Variants in SORCS3 observed in about 807,000 individuals in gnomAD.
SORCS3 encodes sortilin related VPS10 domain containing receptor 3, also known as VPS10 domain-containing receptor SorCS3.
SORCS3 carries 57 observed loss-of-function variants against 146.3 expected under a neutral mutation model. The ratio of observed to expected loss-of-function variants is 0.39; its 90% CI spans 0.31 to 0.49. The LOEUF is 0.49. SORCS3 is among the 20% of genes least tolerant of loss of function. The pLI is 0.92. For missense variants in SORCS3, 1,341 were observed against 1,575.5 expected (o/e 0.85, Z 2.52); for synonymous variants, 653 against 618.5 (o/e 1.06, Z -0.83).
intron 20 of SORCS3, among the ~76,000 whole-genome samples, chr10:105,230,318 T>A (rs2056759172): frequency 6.6e-6 from 1 of 152,024 alleles, no homozygotes; most frequent in South Asian, 2.1e-4. Flanking sequence ...CCAGGTGGGA[T>A]GCTTAGGTTG....
At chr10:104,797,207 A>T (rs980269740) in intron 1 of SORCS3, among the ~76,000 whole-genome samples, 1 of 152,228 alleles carries the variant, frequency 6.6e-6, no homozygotes, top group East Asian at 1.9e-4. Context: ...GAATATTTGC[A>T]GTTTTAAAAA....
At chr10:104,772,223 T>C (rs1435660445) in intron 1 of SORCS3, among the ~76,000 whole-genome samples, 1 of 131,420 alleles carries the variant, frequency 7.6e-6, no homozygotes, top group Non-Finnish European at 1.6e-5. Context: ...GGTGGGGTGG[T>C]GGCAGGGGAT....
chr10:104,890,119 G>C (rs1037451409), intron 2 of SORCS3, among the ~76,000 whole-genome samples: 1 of 151,908 alleles, frequency 6.6e-6, no homozygotes, highest in Non-Finnish European at 1.5e-5. Context: ...TTAAGCAATT[G>C]AGTACGACGT....
chr10:104,829,489 G>T (rs1234318055), intron 1 of SORCS3, among the ~76,000 whole-genome samples: 1 of 151,996 alleles, frequency 6.6e-6, no homozygotes, highest in South Asian at 2.1e-4. Flanking sequence ...TAGGAGAAGG[G>T]GTATTCTAGT....
rs190810170 is a variant in SORCS3 at position 105,058,163 on chromosome 10, T to G, written c.1028+15035T>G. ...CCTGGGGGATCCCAGCTCTGCAGAC[T>G]TAGCATTTTGGATGGATGCAAGGAG... On this transcript the variant is annotated intron_variant, in intron 5 of 26. Coordinates refer to ENST00000369701, the MANE Select transcript of SORCS3 (RefSeq NM_014978.3). 1.5e-3 allele frequency among the ~76,000 whole-genome samples: 221 copies of G among 152,332 alleles called. 1 individual carries two copies. Among genetic ancestry groups the G allele is most frequent in the African/African-American group, 4.2e-3 (173 of 41,582 alleles).
intron 7 of SORCS3, among the ~76,000 whole-genome samples, chr10:105,114,934 A>G (rs1032976692): frequency 1.3e-5 from 2 of 152,192 alleles, no homozygotes; most frequent in Non-Finnish European, 2.9e-5. Flanking sequence ...TAAGAGTTCT[A>G]TGTATAAACA....
At chr10:104,842,003 A>G (rs771970217) in intron 1 of SORCS3, among the ~76,000 whole-genome samples, 35 of 152,208 alleles carry the variant, frequency 2.3e-4, no homozygotes, top group Non-Finnish European at 4.6e-4. Flanking sequence ...AGGTAGGGCA[A>G]CATCTGACAG....
intron 6 of SORCS3, among the ~76,000 whole-genome samples, chr10:105,101,748 AGT>A (rs965185949): frequency 2.0e-5 from 3 of 152,188 alleles, no homozygotes; most frequent in Admixed American, 2.0e-4. Flanking sequence ...GAAATGAACC[AGT>A]GTGTGGGAAT....
At chr10:105,017,152 T>G (rs1257018492) in intron 4 of SORCS3, among the ~76,000 whole-genome samples, 1 of 152,116 alleles carries the variant, frequency 6.6e-6, no homozygotes, top group Non-Finnish European at 1.5e-5. Context: ...GGGATTTTTT[T>G]TTTTTGAGGG....
intron 1 of SORCS3, among the ~76,000 whole-genome samples, chr10:104,656,894 C>T (rs1484202641): frequency 6.6e-6 from 1 of 152,120 alleles, no homozygotes; most frequent in African/African-American, 2.4e-5. Context: ...AAATATTTGG[C>T]AGATGTAGTT....
intron 3 of SORCS3, among the ~76,000 whole-genome samples, chr10:104,965,696 T>C (rs911717527): frequency 7.9e-5 from 12 of 152,212 alleles, no homozygotes; most frequent in African/African-American, 2.9e-4. Context: ...AACATCTTTT[T>C]ATTTGCTCAC....
chr10:105,036,812 G>T (rs1314354962), intron 4 of SORCS3, among the ~76,000 whole-genome samples: 1 of 152,110 alleles, frequency 6.6e-6, no homozygotes, highest in African/African-American at 2.4e-5. Context: ...GAGAGGCAGA[G>T]ACCTCATTTC....
intron 1 of SORCS3, among the ~76,000 whole-genome samples, chr10:104,727,286 C>A (rs762794337): frequency 1.3e-5 from 2 of 151,982 alleles, no homozygotes; most frequent in Admixed American, 1.3e-4. Context: ...TTGTTGATTG[C>A]AAAAGAATAT....
chr10:105,245,048 G>A lies in SORCS3; in HGVS notation c.2869-494G>A, dbSNP rs541919132. Among the ~76,000 whole-genome samples the A allele has an allele frequency of 3.6e-4, 53 of 147,334 alleles. 2 individuals are homozygous for A. Among genetic ancestry groups the A allele is most frequent in the South Asian group, 3.1e-3 (14 of 4,484 alleles). On this transcript the variant is annotated intron_variant, in intron 20 of 26. Transcript: ENST00000369701. ...CGCATCATTGCACTGCAGCCTGGGC[G>A]GCAGAGCAAGACTCTGTCAAAAAAA...
chr10:104,896,989 G>A (rs992299459), intron 2 of SORCS3, among the ~76,000 whole-genome samples: 3 of 152,172 alleles, frequency 2.0e-5, no homozygotes, highest in Non-Finnish European at 4.4e-5. Context: ...CTTAGGGCAG[G>A]TGATGGGTTT....
At chr10:105,053,616 T>C (rs2055427316) in intron 5 of SORCS3, among the ~76,000 whole-genome samples, 1 of 151,930 alleles carries the variant, frequency 6.6e-6, no homozygotes, top group Admixed American at 6.6e-5. Flanking sequence ...AACATATATT[T>C]AAATATTTTT....
chr10:104,905,899 T>C (rs1159177591), intron 2 of SORCS3, among the ~76,000 whole-genome samples: 1 of 152,120 alleles, frequency 6.6e-6, no homozygotes, highest in African/African-American at 2.4e-5. Flanking sequence ...AATGAAAGCA[T>C]TGAGTGCCTT....
At chr10:105,003,998 C>CTTTTTTTTTTTTTTTTTTT (rs35604992) in intron 4 of SORCS3, among the ~76,000 whole-genome samples, 2,201 of 135,366 alleles carry the variant, frequency 0.016, 125 homozygotes, top group Non-Finnish European at 0.022. Context: ...TCTCTTCTCT[C>CTTTTTTTTTTTTTTTTTTT]TCTTTTTTTT....
At position 105,194,458 on chromosome 10, in the gene SORCS3, G is replaced by C. The variant is rs147216255; in HGVS notation, c.2010-5541G>C. The stretch of plus-strand genomic sequence containing the variant: ...GAAAATATGATTTGAGTTCAAAAGG[G>C]GGCTAGCAATGGGTTTCTGAAAAAG... On this transcript the variant is annotated intron_variant, in intron 14 of 26. Transcript: ENST00000369701. Among the ~76,000 whole-genome samples the C allele has an allele frequency of 6.6e-4, 101 of 152,230 alleles. 2 individuals are homozygous for C. In the East Asian group the frequency reaches 0.019, roughly 28 times the overall value.
Sources: gnomAD v4.1 joint callset for allele counts (sites outside exome capture counted in the v4.1 genomes callset) on GRCh38, gnomAD v4.1.1 for gene constraint, MANE v1.5 for transcripts, NCBI Gene and HGNC (gene_info 2026-07-23, HGNC 2026-07-21) for gene names.